The following CYP3A7 variants were observed in gnomAD, a reference collection of about 807,000 sequenced individuals.
CYP3A7 encodes the protein cytochrome P450 family 3 subfamily A member 7.
CYP3A7 carries 45 observed loss-of-function variants against 55.2 expected under a neutral mutation model. That is an observed-to-expected ratio of 0.82 (90% CI 0.64 to 1.05). The LOEUF (loss-of-function observed/expected upper bound fraction) is 1.05, where lower values mean the gene tolerates loss of function less well. Among genes scored for constraint, CYP3A7 ranks in the 50% least tolerant of loss-of-function variants. CYP3A7 has a pLI of 0.00. For missense variants in CYP3A7, 548 were observed against 605.3 expected (o/e 0.91, Z 0.99); for synonymous variants, 180 against 207.4 (o/e 0.87, Z 1.13).
At chr7:99,724,793 ATCAG>A (rs2151525703) in intron 2 of CYP3A7, among the ~76,000 whole-genome samples, 1 of 152,272 alleles carries the variant, frequency 6.6e-6, no homozygotes, top group Admixed American at 6.5e-5. Flanking sequence ...CCTCTCCCAG[ATCAG>A]TCAGCGTTTA....
intron 1 of CYP3A7, among the ~76,000 whole-genome samples, chr7:99,733,477 C>T (rs1814706675): frequency 6.6e-6 from 1 of 152,086 alleles, no homozygotes; most frequent in African/African-American, 2.4e-5. Flanking sequence ...ATTGTATAGG[C>T]CTAAGAAGGG....
chr7:99,727,748 A>G (rs1814468472), intron 2 of CYP3A7, among the ~76,000 whole-genome samples: 1 of 152,056 alleles, frequency 6.6e-6, no homozygotes, highest in East Asian at 1.9e-4. Flanking sequence ...AGCAAGCCAA[A>G]CTCATTGCCT....
chr7:99,707,170 C>T (rs569272185), intron 12 of CYP3A7, among the ~76,000 whole-genome samples: 23 of 152,136 alleles, frequency 1.5e-4, no homozygotes, highest in African/African-American at 5.3e-4. Flanking sequence ...GAAAAGGAGC[C>T]CAGTTGGTTG....
chr7:99,732,037 T>A (rs1390883770), intron 1 of CYP3A7, among the ~76,000 whole-genome samples: 6 of 152,182 alleles, frequency 3.9e-5, no homozygotes, highest in African/African-American at 1.4e-4. Flanking sequence ...TCTGTGCCCC[T>A]ACCCAAATCT....
intron 2 of CYP3A7, among the ~76,000 whole-genome samples, chr7:99,727,041 G>A (rs1241883757): frequency 6.6e-6 from 1 of 152,128 alleles, no homozygotes; most frequent in Non-Finnish European, 1.5e-5. Flanking sequence ...ACTCACAAAG[G>A]GAAACCTAGC....
rs773721980 is a variant in CYP3A7 at position 99,735,058 on chromosome 7, C to A, written c.36G>T (p.Trp12Cys). The A allele has an allele frequency of 1.2e-6, 2 of 1,613,976 alleles. No homozygotes were observed. Among genetic ancestry groups the A allele is most frequent in the Admixed American group, 1.7e-5 (1 of 59,998 alleles). Residue 12 changes from tryptophan to cysteine, a missense_variant, in exon 1 of 13, where the codon TGG becomes TGT. Coordinates refer to ENST00000336374, the MANE Select transcript of CYP3A7 (RefSeq NM_000765.5). ...GTATCAGGCTGACAGCCAGGAGAAG[C>A]CAGGTTTCCACGGCCAAGTTTGGGA... ...DLIPNLAVET[W>C]LLLAVSLILL... is the part of the protein sequence containing the mutation.
intron 2 of CYP3A7, among the ~76,000 whole-genome samples, chr7:99,725,619 G>C (rs1372486886): frequency 2.0e-5 from 3 of 152,190 alleles, no homozygotes; most frequent in Non-Finnish European, 4.4e-5. Flanking sequence ...GTCTGTGTGG[G>C]CTCCAATTAG....
At position 99,713,539 on chromosome 7, in the gene CYP3A7, G is replaced by C. The variant is rs1813832911; in HGVS notation, c.799-4C>G. 6.2e-7 allele frequency: 1 copy of C among 1,613,264 alleles called. No individual in the cohort carries two copies. Among genetic ancestry groups the C allele is most frequent in the South Asian group, 1.1e-5 (1 of 91,076 alleles). ...GCTGAAGGAAATCCACTCGGTGCTA[G>C]AAGCAAAAAGAGAAATTTTATTGAC... On this transcript the variant is annotated splice_polypyrimidine_tract_variant and splice_region_variant and intron_variant, in intron 8 of 12. Coordinates refer to ENST00000336374, the MANE Select transcript of CYP3A7 (RefSeq NM_000765.5).
Position 99,710,649 on chromosome 7 carries a change from A to G in CYP3A7, c.1026+83T>C, listed in dbSNP as rs562499461. 1.2e-4 allele frequency: 193 copies of G among 1,604,182 alleles called. 1 individual carries two copies. The Middle Eastern group carries it at 1.9e-3, about 16-fold the overall frequency. ...AAACAATCATGATTATGCTTTTTAT[A>G]AAAATTCTCCTGGGAAGTGGTGAGG... On this transcript the variant is annotated intron_variant, in intron 10 of 12. Transcript: ENST00000336374.
intron 12 of CYP3A7, 111 bp downstream of exon 12, chr7:99,707,701 C>T: frequency 2.0e-6 from 3 of 1,528,602 alleles, no homozygotes; most frequent in Non-Finnish European, 2.7e-6. Flanking sequence ...TTCCTTGGCC[C>T]ATAGAACAAA....
intron 1 of CYP3A7, among the ~76,000 whole-genome samples, chr7:99,732,643 G>A (rs553201848): frequency 1.1e-3 from 174 of 152,258 alleles, no homozygotes; most frequent in Non-Finnish European, 1.6e-3. Context: ...CTGAGGGGTG[G>A]AAGACTGGAT....
chr7:99,724,207 C>A (rs1186784264), intron 2 of CYP3A7, among the ~76,000 whole-genome samples: 9 of 152,194 alleles, frequency 5.9e-5, no homozygotes, highest in Non-Finnish European at 1.2e-4. Context: ...TCTTCAAAAC[C>A]TAAAACCCCC....
rs768988249 is a variant in CYP3A7 at position 99,715,868 on chromosome 7, G to C, written c.560C>G (p.Thr187Arg). The change falls in exon 7 of 13, where the codon ACA (threonine) becomes AGA (arginine). Residue 187 changes from threonine (T) to arginine (R), a missense_variant. Coordinates refer to ENST00000336374, the MANE Select transcript of CYP3A7 (RefSeq NM_000765.5). The part of the protein sequence containing the change: ...GAYSMDVITS[T>R]SFGVSIDSLN... ...AGAGTCGATGCTCACTCCAAATGAT[G>C]TGCTAGTGATCACATCCATGCTGTA... The C allele has an allele frequency of 6.2e-7, 1 of 1,613,754 alleles. No individual in the cohort carries two copies. Among genetic ancestry groups the C allele is most frequent in the Non-Finnish European group, 8.5e-7 (1 of 1,179,838 alleles).
At chr7:99,718,371 A>G (rs1030808297) in intron 4 of CYP3A7, among the ~76,000 whole-genome samples, 6 of 152,358 alleles carry the variant, frequency 3.9e-5, no homozygotes, top group Non-Finnish European at 8.8e-5. Flanking sequence ...CATGGATAGA[A>G]AAAAAGAAGA....
chr7:99,709,862 A>G lies in CYP3A7; in HGVS notation c.1027-601T>C, dbSNP rs550670827. Among the ~76,000 whole-genome samples the G allele has an allele frequency of 8.7e-4, 132 of 152,270 alleles. 1 individual carries two copies. The highest frequency in any genetic ancestry group is 6.8e-3 in the Middle Eastern group (2 of 294). On this transcript the variant is annotated intron_variant, in intron 10 of 12. Transcript: ENST00000336374. ...TACATAAAATGTGGAGAGAAACACT[A>G]TATTATATAAAATCTCTATCAATAA...
At position 99,734,993 on chromosome 7, in the gene CYP3A7, CAG is replaced by C. The variant is rs746908361; in HGVS notation, c.71+28_71+29del. The C allele has an allele frequency of 3.1e-6, 5 of 1,613,760 alleles. No homozygotes were observed. The African/African-American group carries it at 4.0e-5, about 13-fold the overall frequency. ...GATTAGCACCCCAAGTCCAAGGAAA[CAG>C]AGAAGAGGAGCCTGAACAGTTACTC... On this transcript the variant is annotated intron_variant, in intron 1 of 12. Coordinates refer to ENST00000336374, the MANE Select transcript of CYP3A7 (RefSeq NM_000765.5).
chr7:99,716,185 A>C (rs1399590865), intron 6 of CYP3A7, among the ~76,000 whole-genome samples: 1 of 152,204 alleles, frequency 6.6e-6, no homozygotes, highest in Non-Finnish European at 1.5e-5. Flanking sequence ...GAGATCCACT[A>C]TCAGACAACT....
At chr7:99,711,882 G>A (rs368937457) in intron 9 of CYP3A7, among the ~76,000 whole-genome samples, 5 of 152,314 alleles carry the variant, frequency 3.3e-5, no homozygotes, top group Admixed American at 1.3e-4. Flanking sequence ...TAATTTGTGT[G>A]CATAGCCCAG....
intron 1 of CYP3A7, among the ~76,000 whole-genome samples, chr7:99,731,698 G>A (rs370531047): frequency 1.8e-4 from 27 of 152,316 alleles, no homozygotes; most frequent in African/African-American, 5.5e-4. Flanking sequence ...CTCTGACCCT[G>A]TTTTAGGATC....
Sources: allele counts gnomAD v4.1 joint callset (sites outside exome capture counted in the v4.1 genomes callset), GRCh38; gene constraint gnomAD v4.1.1; transcripts MANE v1.5; gene names NCBI Gene and HGNC (gene_info 2026-07-23, HGNC 2026-07-21).